The following ATP13A5 variants were observed in gnomAD, a reference collection of about 807,000 sequenced individuals.
The protein encoded by ATP13A5 is ATPase 13A5, also known as probable cation-transporting ATPase 13A5.
A neutral mutation model predicts 150.2 loss-of-function variants in ATP13A5; 149 were observed. The observed-to-expected ratio is 0.99, with a 90% CI of 0.87 to 1.14. The LOEUF is 1.14. Among genes scored for constraint, ATP13A5 ranks in the 50% most tolerant of loss-of-function variants. The probability of loss-of-function intolerance (pLI) is 0.00; values close to 1 mark genes in which losing one functional copy is unlikely to be tolerated. For missense variants in ATP13A5, 1,383 were observed against 1,449.3 expected (o/e 0.95, Z 0.74); for synonymous variants, 497 against 522.2 (o/e 0.95, Z 0.66).
In ATP13A5 at chr3:193,364,153, A is replaced by T; in HGVS notation, c.191T>A (p.Ile64Asn). Residue 64 changes from isoleucine to asparagine, a missense_variant, in exon 2 of 30, where the codon ATC becomes AAC. This residue lies in a region of ATP13A5 where 787 missense variants were observed against 771.9 expected (regional missense o/e 1.02). Transcript: ENST00000342358. ...GTCTGCTTCTTGCAAGGGGCATGGG[A>T]TGCAGTTGGCCCACACTCTCCACTG... ...RPQWRVWANC[I>N]PCPLQEADTV... 6.2e-7 allele frequency: 1 copy of T among 1,614,042 alleles called. No individual in the cohort carries two copies. The highest frequency in any genetic ancestry group is 2.2e-5 in the East Asian group (1 of 44,882).
At chr3:193,335,146 G>A in intron 9 of ATP13A5, 47 bp from the exon 10 acceptor site, 1 of 1,573,610 alleles carries the variant, frequency 6.4e-7, no homozygotes, top group Non-Finnish European at 8.7e-7. Context: ...TCAGGTAGTT[G>A]GTCAGAACTG....
intron 17 of ATP13A5, among the ~76,000 whole-genome samples, chr3:193,315,372 G>A (rs962599954): frequency 6.6e-6 from 1 of 151,858 alleles, no homozygotes; most frequent in Admixed American, 6.6e-5. Context: ...CTCTTCTGTT[G>A]GTTTTTAAAT....
At position 193,344,912 on chromosome 3, in the gene ATP13A5, T is replaced by C; in HGVS notation, c.814+91A>G. ...CAGTTCTGGGTTCAATCTGAAAAGATTATTTCTCCTTGACTAATAATTAAG... is the reference window on the plus strand; with the variant it reads ...CAGTTCTGGGTTCAATCTGAAAAGACTATTTCTCCTTGACTAATAATTAAG... On this transcript the variant is annotated intron_variant, in intron 8 of 29. Transcript: ENST00000342358. The C allele has an allele frequency of 2.3e-6, 3 of 1,279,222 alleles. No homozygotes were observed. The South Asian group carries it at 3.7e-5, about 16-fold the overall frequency. 79.2% of individuals were successfully genotyped at this position (1,279,222 alleles called of 1,614,324 possible). A position where few individuals can be genotyped will look rare whatever the true frequency, so the allele number is the denominator to read the frequency against.
At chr3:193,329,145 T>A (rs1404270308) in intron 12 of ATP13A5, among the ~76,000 whole-genome samples, 2 of 151,800 alleles carry the variant, frequency 1.3e-5, no homozygotes, top group Non-Finnish European at 2.9e-5. Flanking sequence ...CTCGGGAGGC[T>A]GAGGAGAATC....
At chr3:193,330,993 G>A (rs1711606296) in intron 12 of ATP13A5, 130 bp downstream of exon 12, 1 of 904,568 alleles carries the variant, frequency 1.1e-6, no homozygotes, top group Non-Finnish European at 1.7e-6. Flanking sequence ...AGCTCACTCT[G>A]TGACCTTCTC....
intron 14 of ATP13A5, chr3:193,323,097 C>T (rs1375354558): frequency 6.5e-6 from 1 of 152,762 alleles, no homozygotes; most frequent in Non-Finnish European, 1.5e-5. Flanking sequence ...GAAGTTAATA[C>T]CTCTGAGAAG....
intron 26 of ATP13A5, among the ~76,000 whole-genome samples, chr3:193,286,420 C>T (rs974783836): frequency 2.6e-5 from 4 of 151,952 alleles, no homozygotes; most frequent in African/African-American, 9.7e-5. Context: ...TCTATTGGCA[C>T]CATTTTTTAA....
At chr3:193,316,837 G>A (rs1719069721) in intron 17 of ATP13A5, among the ~76,000 whole-genome samples, 1 of 152,140 alleles carries the variant, frequency 6.6e-6, no homozygotes, top group Non-Finnish European at 1.5e-5. Flanking sequence ...GCAAAAGAAT[G>A]AAATTGGACC....
intron 1 of ATP13A5, among the ~76,000 whole-genome samples, chr3:193,374,299 C>CAG (rs749292538): frequency 0.14 from 16,705 of 115,576 alleles, 1,201 homozygotes; most frequent in Non-Finnish European, 0.18. Context: ...CACACACACA[C>CAG]ACAGAGAGAG....
intron 1 of ATP13A5, 96 bp downstream of exon 1, chr3:193,378,567 G>A (rs1444902810): frequency 5.4e-6 from 6 of 1,103,844 alleles, no homozygotes. Context: ...AAAGCCTGAA[G>A]CATAAATGCT....
Position 193,315,045 on chromosome 3 carries a change from A to G in ATP13A5, c.2085T>C (p.Asn695=), listed in dbSNP as rs1286879111. The change falls in exon 18 of 30, where the codon AAT becomes AAC. Residue 695 remains asparagine, a synonymous_variant. Coordinates refer to ENST00000342358, the MANE Select transcript of ATP13A5 (RefSeq NM_198505.4). ...CCAGTTTGGTTTCTTTTTTCAAGCGATTCTCCATGATGAGAAGTCCCAGAA... is the reference window on the plus strand; with the variant it reads ...CCAGTTTGGTTTCTTTTTTCAAGCGGTTCTCCATGATGAGAAGTCCCAGAA... The part of the protein sequence containing the change: ...LTFLGLLIME[N]RLKKETKLVL... The G allele has an allele frequency of 2.5e-6, 4 of 1,613,674 alleles. No individual in the cohort carries two copies. The East Asian group carries it at 8.9e-5, about 36-fold the overall frequency.
At chr3:193,298,443 G>A (rs1718261372) in intron 25 of ATP13A5, among the ~76,000 whole-genome samples, 3 of 151,980 alleles carry the variant, frequency 2.0e-5, no homozygotes, top group Admixed American at 6.6e-5. Flanking sequence ...ATGTACTAAG[G>A]TGCTACATGA....
chr3:193,332,116 G>A (rs908515286), intron 11 of ATP13A5, among the ~76,000 whole-genome samples: 8 of 152,172 alleles, frequency 5.3e-5, no homozygotes, highest in Non-Finnish European at 1.2e-4. Flanking sequence ...CCCAGTGGGA[G>A]GTAATCGAAT....
At chr3:193,330,882 A>G (rs779745492) in intron 12 of ATP13A5, among the ~76,000 whole-genome samples, 13 of 152,238 alleles carry the variant, frequency 8.5e-5, no homozygotes, top group Admixed American at 2.0e-4. Context: ...AACCAGGCAC[A>G]CAAATTATTA....
intron 1 of ATP13A5, among the ~76,000 whole-genome samples, chr3:193,367,400 A>T (rs1173542900): frequency 1.3e-5 from 2 of 152,102 alleles, no homozygotes; most frequent in Admixed American, 1.3e-4. Context: ...ATTCCTTTGA[A>T]ATATTTAAGA....
chr3:193,378,637 A>C, intron 1 of ATP13A5, 26 bp downstream of exon 1: 1 of 1,604,588 alleles, frequency 6.2e-7, no homozygotes, highest in Non-Finnish European at 8.5e-7. Flanking sequence ...CTTTGAGAAG[A>C]CTAATAAAAT....
In ATP13A5 at chr3:193,335,005, G is replaced by A; in HGVS notation, c.1038C>T (p.Val346=). The change falls in exon 10 of 30, where the codon GTC becomes GTT. Residue 346 remains valine (V), a synonymous_variant. Coordinates refer to ENST00000342358, the MANE Select transcript of ATP13A5 (RefSeq NM_198505.4). ...GGATAACTTCTGTTCCACAGAAAAG[G>A]ACGTGTTTCCTATAATCCTCCAAAC... is the stretch of plus-strand genomic sequence containing the variant. ...CHSLEDYRKH[V]LFCGTEVIQV... The A allele has an allele frequency of 6.2e-7, 1 of 1,613,966 alleles. No homozygotes were observed. Among genetic ancestry groups the A allele is most frequent in the Non-Finnish European group, 8.5e-7 (1 of 1,179,848 alleles).
chr3:193,373,987 T>C (rs1713543282), intron 1 of ATP13A5, among the ~76,000 whole-genome samples: 1 of 152,320 alleles, frequency 6.6e-6, no homozygotes, highest in East Asian at 1.9e-4. Context: ...ACAGATGGAA[T>C]TGCTGGGCTT....
At chr3:193,358,862 G>A (rs963172418) in intron 5 of ATP13A5, among the ~76,000 whole-genome samples, 4 of 152,138 alleles carry the variant, frequency 2.6e-5, no homozygotes, top group Non-Finnish European at 5.9e-5. Context: ...CAAAGAAACC[G>A]AGTGCAGGAT....
Sources: allele counts gnomAD v4.1 joint callset (sites outside exome capture counted in the v4.1 genomes callset), GRCh38; gene constraint gnomAD v4.1.1; regional missense constraint gnomAD v4.1.1; transcripts MANE v1.5; gene names NCBI Gene and HGNC (gene_info 2026-07-23, HGNC 2026-07-21).